KIF1A: variants seen among roughly 807,000 people sequenced by gnomAD.
KIF1A encodes kinesin family member 1A.
A neutral mutation model predicts 227.3 loss-of-function variants in KIF1A; 46 were observed. The observed-to-expected ratio is 0.20, with a 90% CI of 0.16 to 0.26. The LOEUF is 0.26. Ranked by LOEUF, KIF1A falls within the 10% of genes least tolerant of loss-of-function variation. The pLI, the probability that KIF1A is intolerant of heterozygous loss-of-function variation, is 1.00. For synonymous variants in KIF1A, 1,022 were observed against 1,012.8 expected, an observed-to-expected ratio of 1.01 and a Z score of -0.17; for missense variants, 1,683 against 2,485.9, an observed-to-expected ratio of 0.68 and a Z score of 6.87.
Position 240,786,360 on chromosome 2 carries a change from G to A in KIF1A, c.583C>T (p.Leu195Phe), listed in dbSNP as rs773195357. The change falls in exon 6 of 49, where the codon CTC becomes TTC. Residue 195 changes from leucine to phenylalanine, a missense_variant. Coordinates refer to ENST00000498729, the MANE Select transcript of KIF1A (RefSeq NM_001244008.2). ...CTGGCCTTGTTCCCTGAGTCCATGA[G>A]GTCCTGGATGTCATTGTAGGAGGTG... ...AVTSYNDIQD[L>F]MDSGNKARTV... 2 of 1,613,644 alleles carry A rather than the reference G, an allele frequency of 1.2e-6. No homozygotes were observed. The highest frequency in any genetic ancestry group is 1.7e-6 in the Non-Finnish European group (2 of 1,179,800).
chr2:240,767,204 G>A, intron 18 of KIF1A, 62 bp downstream of exon 18: 4 of 1,428,212 alleles, frequency 2.8e-6, no homozygotes, highest in Non-Finnish European at 2.9e-6. Context: ...GGGGAGTCCA[G>A]CCTTCCCCTG....
rs2049936973 is a variant in KIF1A at position 240,757,121 on chromosome 2, A to G, written c.2858+198T>C. Among the ~76,000 whole-genome samples, 1 of 152,192 alleles carries G rather than the reference A, an allele frequency of 6.6e-6. No homozygotes were observed. The highest frequency in any genetic ancestry group is 2.4e-5 in the African/African-American group (1 of 41,458). ...CCGGCCCAAAGCGACCGTCTCCAGGATGGGTGAGCAGCCCCACTGCAAGGA... is the reference window on the plus strand; with the variant it reads ...CCGGCCCAAAGCGACCGTCTCCAGGGTGGGTGAGCAGCCCCACTGCAAGGA... On this transcript the variant is annotated intron_variant, in intron 27 of 48. Transcript: ENST00000498729. This position sits in a 1 kb window ranked among gnomAD's most constrained non-coding sequence, Gnocchi z 6.2.
chr2:240,736,359 G>A lies in KIF1A; in HGVS notation c.4007+704C>T. ...CCCGCCTCACTTTCCCCAAGCCCCT[G>A]GAAGGCAGCGTCTGGGACGCAGTGG... On this transcript the variant is annotated intron_variant, in intron 38 of 48. Transcript: ENST00000498729. The surrounding 1 kb of genome is among the most constrained non-coding windows in gnomAD (Gnocchi z 4.7). Among the ~76,000 whole-genome samples the A allele has an allele frequency of 6.6e-6, 1 of 152,044 alleles. No homozygotes were observed. Among genetic ancestry groups the A allele is most frequent in the Non-Finnish European group, 1.5e-5 (1 of 67,990 alleles).
At chr2:240,786,925 C>G (rs2055013684) in intron 5 of KIF1A, among the ~76,000 whole-genome samples, 3 of 151,978 alleles carry the variant, frequency 2.0e-5, no homozygotes, top group Admixed American at 2.0e-4. Flanking sequence ...CCACGGCCAT[C>G]CTGGGCTCTA....
chr2:240,807,876 T>TAA (rs2057557419), intron 1 of KIF1A, among the ~76,000 whole-genome samples: 1 of 152,236 alleles, frequency 6.6e-6, no homozygotes, highest in African/African-American at 2.4e-5. Flanking sequence ...GCTATTATTA[T>TAA]AATTTTCAAA....
At chr2:240,732,410 G>A (rs559067942) in intron 38 of KIF1A, among the ~76,000 whole-genome samples, 9 of 148,680 alleles carry the variant, frequency 6.1e-5, no homozygotes, top group African/African-American at 2.2e-4. Context: ...CATGATTAGG[G>A]CGTAAGGGGA....
chr2:240,771,556 G>T (rs970514650), intron 14 of KIF1A, among the ~76,000 whole-genome samples: 1 of 152,118 alleles, frequency 6.6e-6, no homozygotes, highest in Non-Finnish European at 1.5e-5. Flanking sequence ...CTGAGGGCTG[G>T]GAGCCAGTCC....
chr2:240,732,673 C>T (rs1328574535), intron 38 of KIF1A, among the ~76,000 whole-genome samples: 1 of 57,722 alleles, frequency 1.7e-5, no homozygotes, highest in Non-Finnish European at 3.1e-5. Flanking sequence ...ATGAGGAGTT[C>T]GGGGGTGAGG....
intron 42 of KIF1A, 123 bp downstream of exon 42, chr2:240,723,290 A>G: frequency 1.1e-6 from 1 of 914,302 alleles, no homozygotes. Flanking sequence ...GGTGGCTGTG[A>G]CTCCCAAGCA....
intron 20 of KIF1A, among the ~76,000 whole-genome samples, chr2:240,764,215 G>A (rs1482444731): frequency 6.6e-6 from 1 of 152,166 alleles, no homozygotes; most frequent in Non-Finnish European, 1.5e-5. Context: ...GCTCTCAGCT[G>A]GCCACTTCCT....
chr2:240,781,734 G>T (rs1026872475), intron 10 of KIF1A: 1 of 973,102 alleles, frequency 1.0e-6, no homozygotes, highest in South Asian at 4.7e-5. Flanking sequence ...TTCCTCTCCC[G>T]TTCCCACACA....
In KIF1A at chr2:240,745,427, G is replaced by A. The variant is rs371782922; in HGVS notation, c.3465C>T (p.Asn1155=). The change falls in exon 32 of 49, where the codon AAC becomes AAT. Residue 1155 remains asparagine (N), a splice_region_variant and synonymous_variant. Transcript: ENST00000498729. ...GPPLGFYHVQ[N]IAVEVTKSFI... is the part of the protein sequence containing the mutation. ...TGGGGAGAAGTGCCCAGGAACGTAC[G>A]TTCTGGACGTGGTAGAAGCCAAGTG... 2.9e-5 allele frequency: 46 copies of A among 1,610,728 alleles called. No individual in the cohort carries two copies. The highest frequency in any genetic ancestry group is 1.8e-4 in the East Asian group (8 of 44,850).
Position 240,739,961 on chromosome 2 carries a change from C to A in KIF1A, c.3901+97G>T. ...GGCCAGGGTCACGCAGCAACAGACG[C>A]AGAGGTGTGGTTAGAACCCGGGTAT... On this transcript the variant is annotated intron_variant, in intron 37 of 48. Transcript: ENST00000498729. The surrounding 1 kb of genome is among the most constrained non-coding windows in gnomAD (Gnocchi z 5.6). The A allele has an allele frequency of 1.1e-6, 1 of 888,014 alleles. No individual in the cohort carries two copies. Among genetic ancestry groups the A allele is most frequent in the South Asian group, 1.5e-5 (1 of 67,634 alleles). 55.0% of individuals were successfully genotyped at this position (888,014 alleles called of 1,614,324 possible).
At chr2:240,743,797 C>T in intron 33 of KIF1A, 145 bp downstream of exon 33, 1 of 595,346 alleles carries the variant, frequency 1.7e-6, no homozygotes, top group Non-Finnish European at 3.0e-6. Context: ...TCCTGCCAGC[C>T]CTGGGCAAAA....
intron 1 of KIF1A, among the ~76,000 whole-genome samples, chr2:240,814,140 G>T (rs566561226): frequency 6.6e-6 from 1 of 152,110 alleles, no homozygotes; most frequent in South Asian, 2.1e-4. Flanking sequence ...AAGAAAAAAT[G>T]AAAAGGAGGA....
intron 23 of KIF1A, among the ~76,000 whole-genome samples, chr2:240,762,439 G>A (rs1040056267): frequency 1.3e-5 from 2 of 152,240 alleles, no homozygotes; most frequent in African/African-American, 4.8e-5. Flanking sequence ...CAGCATGTGT[G>A]TGCACGTGTG....
At position 240,780,844 on chromosome 2, in the gene KIF1A, AG is replaced by A. The variant is rs1559522606; in HGVS notation, c.882+1745del. Among the ~76,000 whole-genome samples, 66 of 51,762 alleles carry A rather than the reference AG, an allele frequency of 1.3e-3. 1 individual carries two copies. The highest frequency in any genetic ancestry group is 2.1e-3 in the Non-Finnish European group (59 of 28,732). 34.0% of individuals were successfully genotyped at this position (51,762 alleles called of 152,430 possible). ...CACACACAGCTCCACACACACACAC[AG>A]CTCCACACACACACACACAGCTCCA... On this transcript the variant is annotated intron_variant, in intron 10 of 48. Coordinates refer to ENST00000498729, the MANE Select transcript of KIF1A (RefSeq NM_001244008.2).
chr2:240,733,763 G>T (rs1171261863), intron 38 of KIF1A, among the ~76,000 whole-genome samples: 1 of 152,194 alleles, frequency 6.6e-6, no homozygotes, highest in African/African-American at 2.4e-5. Flanking sequence ...GGGCTTAAAG[G>T]CCCATCATTG....
At chr2:240,765,427 G>T (rs907399020) in intron 20 of KIF1A, among the ~76,000 whole-genome samples, 1 of 152,240 alleles carries the variant, frequency 6.6e-6, no homozygotes, top group African/African-American at 2.4e-5. Context: ...TTCTTCCTAG[G>T]CAGGCACACC....
Sources: allele counts gnomAD v4.1 joint callset (sites outside exome capture counted in the v4.1 genomes callset), GRCh38; gene constraint gnomAD v4.1.1; non-coding constraint Gnocchi (gnomAD v3.1); transcripts MANE v1.5; gene names NCBI Gene and HGNC (gene_info 2026-07-23, HGNC 2026-07-21).